Variants in KHNYN observed in about 807,000 individuals in gnomAD.
KHNYN encodes the protein KH and NYN domain containing, also known as protein KHNYN.
Under a neutral mutation model 62.7 loss-of-function variants are expected in KHNYN, and 42 were observed. That is an observed-to-expected ratio of 0.67 (90% CI 0.52 to 0.87). The LOEUF (loss-of-function observed/expected upper bound fraction) is 0.87. Ranked by LOEUF, KHNYN falls within the 40% of genes least tolerant of loss-of-function variation. The probability of loss-of-function intolerance (pLI) is 0.00; values close to 1 mark genes in which losing one functional copy is unlikely to be tolerated. For missense variants in KHNYN, 829 were observed against 874.1 expected (o/e 0.95, Z 0.65); for synonymous variants, 347 against 345.6 (o/e 1.00, Z -0.04).
upstream of KHNYN, chr14:24,429,556 G>A (rs1294063140): frequency 4.2e-6 from 2 of 477,052 alleles, no homozygotes; most frequent in African/African-American, 2.0e-5. Flanking sequence ...TTTGTTGGAA[G>A]AAAGGGGTAC....
rs746540858 is a variant in KHNYN, at chr14:24,432,512, G to T, written c.1251G>T (p.Lys417Asn). The change falls in exon 3 of 8, where the codon AAG (lysine) becomes AAT (asparagine). Residue 417 changes from lysine to asparagine, a missense_variant. Around this residue, in one of 2 missense-constraint regions of KHNYN, gnomAD observed 270 missense variants for 347.1 expected, o/e 0.78. Coordinates refer to ENST00000553935, the MANE Select transcript of KHNYN (RefSeq NM_015299.3). The surrounding 1 kb of genome is among the most constrained non-coding windows in gnomAD (Gnocchi z 5.6). ...TGGTGACTGGCACACAGCGTTTCAA[G>T]GAGGCCCTGCAGGATCCTTTCACCC... Reference protein sequence around the residue: ...GNLVTGTQRFKEALQDPFTLC... With the variant: ...GNLVTGTQRFNEALQDPFTLC... The T allele has an allele frequency of 6.2e-7, 1 of 1,613,738 alleles. No homozygotes were observed. Among genetic ancestry groups the T allele is most frequent in the African/African-American group, 1.3e-5 (1 of 74,942 alleles).
upstream of KHNYN, chr14:24,429,624 T>G (rs2043067252): frequency 1.0e-5 from 11 of 1,069,134 alleles, no homozygotes; most frequent in Non-Finnish European, 1.3e-5. Flanking sequence ...CCACGATTGC[T>G]TTGGTGGAAA....
At chr14:24,424,106 T>C in the KHNYN span, among the ~76,000 whole-genome samples, 2 of 152,234 alleles carry the variant, frequency 1.3e-5, no homozygotes, top group East Asian at 1.9e-4. Flanking sequence ...AAGGGACACA[T>C]ACCATTATAA....
At chr14:24,428,737 CAGGGGT>C, upstream of KHNYN, 1 of 1,554,710 alleles carries the variant, frequency 6.4e-7, no homozygotes, top group East Asian at 2.3e-5. Context: ...GTCCCCTGGA[CAGGGGT>C]AGGGGGATTA....
the KHNYN span, among the ~76,000 whole-genome samples, chr14:24,424,106 T>A: frequency 2.0e-5 from 3 of 152,234 alleles, no homozygotes; most frequent in African/African-American, 7.2e-5. Flanking sequence ...AAGGGACACA[T>A]ACCATTATAA....
upstream of KHNYN, chr14:24,427,907 C>G: frequency 2.5e-6 from 4 of 1,614,088 alleles, no homozygotes; most frequent in Non-Finnish European, 3.4e-6. The surrounding 1 kb of genome is among the most constrained non-coding windows in gnomAD (Gnocchi z 4.4). Flanking sequence ...TAGCACAGAG[C>G]TGGTGGCTGC....
chr14:24,437,522 C>T lies in KHNYN; in HGVS notation c.*237C>T. On this transcript the variant is annotated 3_prime_UTR_variant, in exon 8 of 8. Transcript: ENST00000553935. The surrounding 1 kb of genome is among the most constrained non-coding windows in gnomAD (Gnocchi z 5.5). The stretch of plus-strand genomic sequence containing the variant: ...TTAACTTCTCAACTTTGCCTTAGCA[C>T]AGGGTTTCTGTAGGGAGTGGGGGCT... 1 of 476,114 alleles carries T rather than the reference C, an allele frequency of 2.1e-6. No individual in the cohort carries two copies. The highest frequency in any genetic ancestry group is 3.0e-5 in the South Asian group (1 of 33,640). 29.5% of individuals were successfully genotyped at this position (476,114 alleles called of 1,614,324 possible).
chr14:24,428,874 C>T (rs746332705), upstream of KHNYN: 3 of 1,604,060 alleles, frequency 1.9e-6, no homozygotes, highest in South Asian at 2.2e-5. Context: ...AGGGCTGCTC[C>T]CCCGGGCCCC....
At chr14:24,427,930 G>A (rs184915473), upstream of KHNYN, 62 of 1,613,876 alleles carry the variant, frequency 3.8e-5, 1 homozygote, top group East Asian at 6.0e-4. This position sits in a 1 kb window ranked among gnomAD's most constrained non-coding sequence, Gnocchi z 4.4. Flanking sequence ...CCCGGGTCAC[G>A]TCAGGATCAT....
chr14:24,441,041 G>A lies in KHNYN; in HGVS notation c.*3756G>A. On this transcript the variant is annotated 3_prime_UTR_variant, in exon 8 of 8. Coordinates refer to ENST00000553935, the MANE Select transcript of KHNYN (RefSeq NM_015299.3). ...GGCCCTTAGGATCTCCCCATTTGGAGACAGAGCCATTTGGATATTTTCCCC... is the reference window on the plus strand; with the variant it reads ...GGCCCTTAGGATCTCCCCATTTGGAAACAGAGCCATTTGGATATTTTCCCC... The A allele has an allele frequency of 8.8e-7, 1 of 1,135,512 alleles. No homozygotes were observed. Among genetic ancestry groups the A allele is most frequent in the Non-Finnish European group, 1.3e-6 (1 of 763,856 alleles). 70.3% of individuals were successfully genotyped at this position (1,135,512 alleles called of 1,614,324 possible). A position where few individuals can be genotyped will look rare whatever the true frequency, so the allele number is the denominator to read the frequency against.
At chr14:24,430,462 T>G (rs1594751535) in intron 1 of KHNYN, 1 of 1,314,168 alleles carries the variant, frequency 7.6e-7, no homozygotes, top group Admixed American at 3.5e-5. Context: ...TGCTCCGGAC[T>G]GTGGTCATCC....
rs765190449 is a variant in KHNYN, at chr14:24,432,599, C to T, written c.1338C>T (p.Asn446=). ...GCCATATTGTCATTGACGGCAGCAACGTGGCCATGGTGTGAGTACCTGGTG... is the reference window on the plus strand; with the variant it reads ...GCCATATTGTCATTGACGGCAGCAATGTGGCCATGGTGTGAGTACCTGGTG... The part of the protein sequence containing the change: ...DLRHIVIDGS[N]VAMVHGLQHY... Residue 446 remains asparagine, a synonymous_variant, in exon 3 of 8, where the codon AAC becomes AAT. Transcript: ENST00000553935. This position sits in a 1 kb window ranked among gnomAD's most constrained non-coding sequence, Gnocchi z 5.6. The T allele has an allele frequency of 8.7e-6, 14 of 1,606,212 alleles. No homozygotes were observed. Among genetic ancestry groups the T allele is most frequent in the South Asian group, 3.3e-5 (3 of 90,520 alleles).
chr14:24,432,559 G>C lies in KHNYN; in HGVS notation c.1298G>C (p.Gly433Ala). The C allele has an allele frequency of 6.2e-7, 1 of 1,609,858 alleles. No individual in the cohort carries two copies. The highest frequency in any genetic ancestry group is 8.5e-7 in the Non-Finnish European group (1 of 1,176,872). ...PFTLCLANVP[G>A]QPDLRHIVID... ...ACCCTGTGCCTTGCCAATGTGCCTG[G>C]CCAGCCAGACCTCCGCCATATTGTC... Residue 433 changes from glycine to alanine, a missense_variant, in exon 3 of 8, where the codon GGC becomes GCC. Around this residue, in one of 2 missense-constraint regions of KHNYN, gnomAD observed 270 missense variants for 347.1 expected, o/e 0.78. Coordinates refer to ENST00000553935, the MANE Select transcript of KHNYN (RefSeq NM_015299.3). This position sits in a 1 kb window ranked among gnomAD's most constrained non-coding sequence, Gnocchi z 5.6.
At position 24,441,712 on chromosome 14, in the gene KHNYN, G is replaced by T; in HGVS notation, c.*4427G>T. The T allele has an allele frequency of 6.3e-7, 1 of 1,597,238 alleles. No individual in the cohort carries two copies. The highest frequency in any genetic ancestry group is 8.5e-7 in the Non-Finnish European group (1 of 1,175,384). Reference sequence around the variant, plus strand: ...TAAGACCCAGGCCTTGGGGGGTTGTGGGGCTTTGGTGATGGCTTTAGCCAG... The same window carrying T: ...TAAGACCCAGGCCTTGGGGGGTTGTTGGGCTTTGGTGATGGCTTTAGCCAG... On this transcript the variant is annotated 3_prime_UTR_variant, in exon 8 of 8. Coordinates refer to ENST00000553935, the MANE Select transcript of KHNYN (RefSeq NM_015299.3).
rs61743660 is a variant in KHNYN, at chr14:24,436,392, C to G, written c.1690C>G (p.Leu564Val). The G allele has an allele frequency of 6.2e-7, 1 of 1,613,952 alleles. No homozygotes were observed. Among genetic ancestry groups the G allele is most frequent in the Non-Finnish European group, 8.5e-7 (1 of 1,179,840 alleles). Residue 564 changes from leucine (L) to valine (V), a missense_variant, in exon 7 of 8, where the codon CTG (leucine) becomes GTG (valine). Physicochemically the swap from Leu to Val is conservative, Grantham distance 32. Transcript: ENST00000553935. ...KWMAIIRERL[L>V]PFTFVGNLFM... ...ACATTATCTTTCGCCATCCAGCCTG[C>G]TGCCCTTTACCTTTGTGGGAAACCT...
upstream of KHNYN, among the ~76,000 whole-genome samples, chr14:24,424,664 C>A (rs1041869947): frequency 3.3e-5 from 5 of 152,138 alleles, no homozygotes; most frequent in African/African-American, 1.2e-4. Flanking sequence ...AAAGGTAGGC[C>A]TGAGAGATTT....
chr14:24,430,257 C>T (rs1269559496), intron 1 of KHNYN, 138 bp downstream of exon 1: 17 of 779,470 alleles, frequency 2.2e-5, no homozygotes, highest in Non-Finnish European at 6.2e-6. Flanking sequence ...GGCGGTGCTC[C>T]TGGCCCGACG....
chr14:24,437,238 C>T lies in KHNYN; in HGVS notation c.1990C>T (p.Arg664Trp), dbSNP rs778019188. ...DFILQREPYCRDINQLSEALL... is the reference protein window; with the variant it reads ...DFILQREPYCWDINQLSEALL... ...CATCCTGCAGCGGGAGCCATACTGC[C>T]GGGACATCAACCAACTGTCTGAGGC... is the stretch of plus-strand genomic sequence containing the variant. The change falls in exon 8 of 8, where the codon CGG becomes TGG. Residue 664 changes from arginine (R) to tryptophan (W), a missense_variant. By Grantham distance (101) the Arg-to-Trp change is moderately radical. Around this residue, in one of 2 missense-constraint regions of KHNYN, gnomAD observed 270 missense variants for 347.1 expected, o/e 0.78. Coordinates refer to ENST00000553935, the MANE Select transcript of KHNYN (RefSeq NM_015299.3). This position sits in a 1 kb window ranked among gnomAD's most constrained non-coding sequence, Gnocchi z 5.5. The T allele has an allele frequency of 6.2e-6, 10 of 1,614,154 alleles. No homozygotes were observed. The highest frequency in any genetic ancestry group is 2.2e-5 in the South Asian group (2 of 91,072).
Position 24,430,745 on chromosome 14 carries a change from G to A in KHNYN, c.15G>A (p.Gly5=), listed in dbSNP as rs1271530888. MPTW[G]ARPASPDRFA... ...GGGCAGCAGCCATGCCTACCTGGGG[G>A]GCCCGCCCCGCGTCCCCAGATCGCT... The change falls in exon 2 of 8, where the codon GGG becomes GGA. Residue 5 remains glycine (G), a synonymous_variant. Coordinates refer to ENST00000553935, the MANE Select transcript of KHNYN (RefSeq NM_015299.3). 14 of 1,567,518 alleles carry A rather than the reference G, an allele frequency of 8.9e-6. No individual in the cohort carries two copies. The highest frequency in any genetic ancestry group is 1.2e-5 in the Non-Finnish European group (14 of 1,156,014).
Sources: allele counts gnomAD v4.1 joint callset (sites outside exome capture counted in the v4.1 genomes callset), GRCh38; gene constraint gnomAD v4.1.1; regional missense constraint gnomAD v4.1.1; non-coding constraint Gnocchi (gnomAD v3.1); transcripts MANE v1.5; gene names NCBI Gene and HGNC (gene_info 2026-07-23, HGNC 2026-07-21).